The following DNAH6 variants were observed in gnomAD, a reference collection of about 807,000 sequenced individuals.
DNAH6 encodes the protein axonemal beta dynein heavy chain 6.
In DNAH6, 340 loss-of-function variants were observed where a neutral mutation model predicts 491.4. The ratio of observed to expected loss-of-function variants is 0.69; its 90% CI spans 0.63 to 0.76. The LOEUF (loss-of-function observed/expected upper bound fraction) is 0.76, where lower values mean the gene tolerates loss of function less well. DNAH6 is among the 30% of genes least tolerant of loss of function. The pLI is 0.00. For synonymous variants in DNAH6, 1,603 were observed against 1,686.1 expected (o/e 0.95, Z 1.21); for missense variants, 4,443 against 4,972.2 (o/e 0.89, Z 3.20).
intron 69 of DNAH6, among the ~76,000 whole-genome samples, chr2:84,797,265 C>A (rs1031283125): frequency 6.6e-6 from 1 of 152,210 alleles, no homozygotes; most frequent in Admixed American, 6.5e-5. Context: ...TTACACCTTT[C>A]AGCAGCATAT....
At chr2:84,487,580 C>T in the DNAH6 span, among the ~76,000 whole-genome samples, 1 of 152,312 alleles carries the variant, frequency 6.6e-6, no homozygotes, top group South Asian at 2.1e-4. Flanking sequence ...GGAGACAGAA[C>T]TCAAACTTAT....
At position 84,573,497 on chromosome 2, in the gene DNAH6, C is replaced by T. The variant is rs138935163; in HGVS notation, c.1834C>T (p.Arg612Cys). 603 of 1,588,260 alleles carry T rather than the reference C, an allele frequency of 3.8e-4. No individual in the cohort carries two copies. The highest frequency in any genetic ancestry group is 4.9e-4 in the Non-Finnish European group (572 of 1,171,798). ...ETIQAAFESA[R>C]IYAATFEKFQ... Reference sequence around the variant, plus strand: ...CATTCAGGCCGCATTTGAATCAGCCCGCATCTATGCAGCTACCTTTGAAAA... The same window carrying T: ...CATTCAGGCCGCATTTGAATCAGCCTGCATCTATGCAGCTACCTTTGAAAA... The change falls in exon 12 of 77, where the codon CGC becomes TGC. Residue 612 changes from arginine to cysteine, a missense_variant. This residue lies in a region of DNAH6 where 2,977 missense variants were observed against 3,296.6 expected (regional missense o/e 0.90). Transcript: ENST00000389394.
intron 2 of DNAH6, among the ~76,000 whole-genome samples, chr2:84,520,211 A>C (rs1676013175): frequency 6.6e-6 from 1 of 152,062 alleles, no homozygotes; most frequent in South Asian, 2.1e-4. Context: ...TTTCCATATA[A>C]TTATATTTAA....
chr2:84,625,734 C>G (rs1223374642), intron 29 of DNAH6, among the ~76,000 whole-genome samples: 1 of 152,046 alleles, frequency 6.6e-6, no homozygotes, highest in Non-Finnish European at 1.5e-5. Flanking sequence ...TTGAAAATCT[C>G]TAATATTTTC....
rs531225742 is a variant in DNAH6 at position 84,633,511 on chromosome 2, G to T, written c.4516-993G>T. ...CCTCATTTCCAAATATTTCTCTAGGGCCTGTGTCTGCTTTGCTGCATGTAT... is the reference window on the plus strand; with the variant it reads ...CCTCATTTCCAAATATTTCTCTAGGTCCTGTGTCTGCTTTGCTGCATGTAT... On this transcript the variant is annotated intron_variant, in intron 29 of 76. Transcript: ENST00000389394. Among the ~76,000 whole-genome samples, 19 of 152,064 alleles carry T rather than the reference G, an allele frequency of 1.2e-4. No homozygotes were observed. In the East Asian group the frequency reaches 3.5e-3, roughly 28 times the overall value.
chr2:84,802,857 A>G (rs961234496), intron 70 of DNAH6, among the ~76,000 whole-genome samples: 4 of 152,236 alleles, frequency 2.6e-5, no homozygotes, highest in African/African-American at 9.6e-5. Flanking sequence ...TATACCAAGC[A>G]TCTTCTCAGA....
At chr2:84,775,101 G>A (rs1675999397) in intron 64 of DNAH6, among the ~76,000 whole-genome samples, 1 of 152,100 alleles carries the variant, frequency 6.6e-6, no homozygotes, top group Non-Finnish European at 1.5e-5. Flanking sequence ...AAGGAGAATG[G>A]TTCCAGCTTT....
rs1696360406 is a variant in DNAH6, at chr2:84,705,692, A to G, written c.8672A>G (p.Tyr2891Cys). Residue 2891 changes from tyrosine (Y) to cysteine (C), a missense_variant, in exon 52 of 77, where the codon TAC (tyrosine) becomes TGC (cysteine). Physicochemically the swap from Tyr to Cys is radical, Grantham distance 194. Transcript: ENST00000389394. ...ATGTGGGTAAGAGCTATGGATTTGT[A>G]CTCTCGAGTGGTCAAGGTCGTCGAA... ...MCMWVRAMDL[Y>C]SRVVKVVEPK... 1 of 1,551,606 alleles carries G rather than the reference A, an allele frequency of 6.4e-7. No individual in the cohort carries two copies. The highest frequency in any genetic ancestry group is 8.7e-7 in the Non-Finnish European group (1 of 1,146,988).
intron 67 of DNAH6, among the ~76,000 whole-genome samples, chr2:84,785,984 G>T (rs1677137874): frequency 6.6e-6 from 1 of 152,130 alleles, no homozygotes; most frequent in Admixed American, 6.5e-5. Context: ...CCATCAATTG[G>T]ATGAATGCAG....
At chr2:84,696,461 A>C (rs1269216442) in intron 46 of DNAH6, among the ~76,000 whole-genome samples, 1 of 152,006 alleles carries the variant, frequency 6.6e-6, no homozygotes, top group Admixed American at 6.5e-5. Flanking sequence ...TCAAATTTAC[A>C]TTTGTAGATT....
chr2:84,722,011 A>C (rs1045055963), intron 59 of DNAH6, among the ~76,000 whole-genome samples: 1 of 152,252 alleles, frequency 6.6e-6, no homozygotes, highest in Non-Finnish European at 1.5e-5. Context: ...AGGGCTCCCC[A>C]GACCCACAAA....
intron 31 of DNAH6, among the ~76,000 whole-genome samples, chr2:84,640,047 A>T (rs111615221): frequency 0.069 from 10,514 of 152,164 alleles, 1,210 homozygotes; most frequent in African/African-American, 0.24. Flanking sequence ...ATCACTCTCC[A>T]CTAGGGTGGT....
intron 21 of DNAH6, among the ~76,000 whole-genome samples, chr2:84,609,552 C>T (rs72922709): frequency 0.041 from 6,176 of 151,884 alleles, 408 homozygotes; most frequent in African/African-American, 0.14. Context: ...GCAGAAAGAA[C>T]GAATAGACAT....
chr2:84,661,149 G>A (rs1252589646), intron 37 of DNAH6, among the ~76,000 whole-genome samples: 2 of 151,866 alleles, frequency 1.3e-5, no homozygotes, highest in East Asian at 1.9e-4. Context: ...TATTAAAATA[G>A]CCTATTTATT....
At chr2:84,803,026 C>T (rs534421376) in intron 70 of DNAH6, among the ~76,000 whole-genome samples, 12 of 151,974 alleles carry the variant, frequency 7.9e-5, no homozygotes, top group South Asian at 2.1e-4. Flanking sequence ...CATAAGAGAC[C>T]CAAGACACCA....
At chr2:84,683,308 A>T (rs1195622706) in intron 42 of DNAH6, among the ~76,000 whole-genome samples, 1 of 152,014 alleles carries the variant, frequency 6.6e-6, no homozygotes, top group East Asian at 1.9e-4. Context: ...TGAATAAACA[A>T]GTCTCCCCTG....
chr2:84,721,473 T>C (rs1558959564), intron 59 of DNAH6, among the ~76,000 whole-genome samples: 1 of 152,186 alleles, frequency 6.6e-6, no homozygotes, highest in Non-Finnish European at 1.5e-5. Context: ...ATACTCTTTA[T>C]TATGGTAGGT....
intron 18 of DNAH6, among the ~76,000 whole-genome samples, chr2:84,602,734 C>G (rs963245333): frequency 4.8e-5 from 7 of 146,114 alleles, no homozygotes; most frequent in Non-Finnish European, 9.0e-5. Flanking sequence ...TCTTCTCCTT[C>G]TATGATTTCT....
chr2:84,563,036 T>G (rs1317121253), intron 11 of DNAH6, among the ~76,000 whole-genome samples: 2 of 152,130 alleles, frequency 1.3e-5, no homozygotes, highest in Non-Finnish European at 2.9e-5. Flanking sequence ...ATCTGATGGT[T>G]TTATAAAGGG....
Sources: gnomAD v4.1 joint callset for allele counts (sites outside exome capture counted in the v4.1 genomes callset) on GRCh38, gnomAD v4.1.1 for gene constraint, gnomAD v4.1.1 regional missense constraint, MANE v1.5 for transcripts, NCBI Gene and HGNC (gene_info 2026-07-23, HGNC 2026-07-21) for gene names.